Variants in PRKN observed in about 807,000 individuals in gnomAD.
The protein encoded by PRKN is E3 ubiquitin-protein ligase parkin.
In PRKN, 56 loss-of-function variants were observed where a neutral mutation model predicts 59.5. That is an observed-to-expected ratio of 0.94 (90% confidence interval 0.76 to 1.18). The LOEUF (loss-of-function observed/expected upper bound fraction) is 1.18, where lower values mean the gene tolerates loss of function less well. Among genes scored for constraint, PRKN ranks in the 50% most tolerant of loss-of-function variants. The pLI is 0.00. For missense variants in PRKN, 657 were observed against 596.4 expected, an observed-to-expected ratio of 1.10 and a Z score of -1.06; for synonymous variants, 250 against 222.1, an observed-to-expected ratio of 1.13 and a Z score of -1.12.
intron 1 of PRKN, among the ~76,000 whole-genome samples, chr6:162,565,847 C>G (rs1307005853): frequency 6.6e-6 from 1 of 151,904 alleles, no homozygotes; most frequent in Non-Finnish European, 1.5e-5. Context: ...ACACACTTCA[C>G]TATAAAGATC....
At chr6:162,096,668 T>A (rs1358007166) in intron 4 of PRKN, among the ~76,000 whole-genome samples, 2 of 152,054 alleles carry the variant, frequency 1.3e-5, no homozygotes, top group Non-Finnish European at 2.9e-5. Context: ...TTCGCTTGGT[T>A]CTCATTCTCT....
chr6:161,712,004 C>T (rs771589515), intron 7 of PRKN, among the ~76,000 whole-genome samples: 7 of 152,142 alleles, frequency 4.6e-5, no homozygotes, highest in East Asian at 1.9e-4. Flanking sequence ...GAAGGCCTAC[C>T]GTGGGACTTT....
Position 161,549,846 on chromosome 6 carries a change from G to A in PRKN, c.934-843C>T, listed in dbSNP as rs1583216485. Among the ~76,000 whole-genome samples the A allele has an allele frequency of 2.6e-5, 4 of 152,146 alleles. No individual in the cohort carries two copies. The highest frequency in any genetic ancestry group is 2.6e-4 in the Admixed American group (4 of 15,274). The stretch of plus-strand genomic sequence containing the variant: ...TTCCAGACTCTATCGAGGCGCTGGG[G>A]ATACAGCAGTGAATGAACAAACTTC... On this transcript the variant is annotated intron_variant, in intron 8 of 11. Transcript: ENST00000366898. This position sits in a 1 kb window ranked among gnomAD's most constrained non-coding sequence, Gnocchi z 6.0.
At chr6:162,071,131 G>T (rs1192608419) in intron 4 of PRKN, among the ~76,000 whole-genome samples, 1 of 151,732 alleles carries the variant, frequency 6.6e-6, no homozygotes, top group Non-Finnish European at 1.5e-5. Context: ...GCATTTCACT[G>T]GACGGTATTC....
At chr6:161,710,101 T>A (rs2128182017) in intron 7 of PRKN, among the ~76,000 whole-genome samples, 1 of 133,572 alleles carries the variant, frequency 7.5e-6, no homozygotes, top group Non-Finnish European at 1.6e-5. Context: ...ATGACAAGCA[T>A]TGGAATAATT....
chr6:162,461,244 G>GT (rs1032956770), intron 1 of PRKN, among the ~76,000 whole-genome samples: 27 of 151,910 alleles, frequency 1.8e-4, no homozygotes, highest in African/African-American at 3.9e-4. Flanking sequence ...GCTCACGCCT[G>GT]TAATCCCAGA....
intron 1 of PRKN, among the ~76,000 whole-genome samples, chr6:162,511,389 T>A (rs374781362): frequency 9.2e-5 from 14 of 152,110 alleles, no homozygotes; most frequent in African/African-American, 3.4e-4. Flanking sequence ...TTTTACCTGC[T>A]AGAAAAACTG....
At chr6:161,770,494 G>A (rs369825304) in intron 7 of PRKN, among the ~76,000 whole-genome samples, 45 of 151,530 alleles carry the variant, frequency 3.0e-4, no homozygotes, top group African/African-American at 1.0e-3. Flanking sequence ...ATGAGACAGA[G>A]TTTCATTCTG....
At chr6:162,348,687 A>C (rs1418863382) in intron 2 of PRKN, among the ~76,000 whole-genome samples, 19 of 152,256 alleles carry the variant, frequency 1.2e-4, no homozygotes. Flanking sequence ...TCTTTTTACA[A>C]CCCTTTAAAA....
In PRKN at chr6:161,912,104, G is replaced by A. The variant is rs572010175; in HGVS notation, c.734+61198C>T. On this transcript the variant is annotated intron_variant, in intron 6 of 11. Transcript: ENST00000366898. ...GAGGCAGGAGAATTGCTTGAACCCA[G>A]GAGGCAGCAGTTGCAGTGAGTGGAG... is the stretch of plus-strand genomic sequence containing the variant. 2.0e-5 allele frequency among the ~76,000 whole-genome samples: 3 copies of A among 151,670 alleles called. No homozygotes were observed. The East Asian group carries it at 5.9e-4, about 30-fold the overall frequency.
intron 9 of PRKN, among the ~76,000 whole-genome samples, chr6:161,416,365 G>A (rs1259469944): frequency 2.0e-5 from 3 of 152,056 alleles, no homozygotes; most frequent in Admixed American, 1.3e-4. Flanking sequence ...CGCACACACT[G>A]GGGGGCAGGA....
At chr6:161,595,843 CG>C (rs1781894834) in intron 7 of PRKN, among the ~76,000 whole-genome samples, 1 of 152,094 alleles carries the variant, frequency 6.6e-6, no homozygotes, top group Non-Finnish European at 1.5e-5. Context: ...TAATTTACGG[CG>C]GGAAAGTGAA....
chr6:161,443,840 G>A (rs187954488), intron 9 of PRKN, among the ~76,000 whole-genome samples: 21 of 152,232 alleles, frequency 1.4e-4, no homozygotes, highest in African/African-American at 4.6e-4. Flanking sequence ...AGTGGAGCAC[G>A]CTGAGCATTT....
At chr6:162,194,678 T>C (rs1021564064) in intron 4 of PRKN, among the ~76,000 whole-genome samples, 10 of 152,176 alleles carry the variant, frequency 6.6e-5, no homozygotes, top group Non-Finnish European at 1.3e-4. Flanking sequence ...TTAAGTTCTT[T>C]ATGGTAATCC....
intron 4 of PRKN, among the ~76,000 whole-genome samples, chr6:162,058,941 G>C (rs1454762613): frequency 3.7e-5 from 5 of 135,774 alleles, no homozygotes. Context: ...GACAGAGTGA[G>C]ACTCTGCCTC....
At chr6:162,657,804 A>G (rs1778704121) in intron 1 of PRKN, among the ~76,000 whole-genome samples, 1 of 152,124 alleles carries the variant, frequency 6.6e-6, no homozygotes, top group South Asian at 2.1e-4. Flanking sequence ...GTCAGAATAT[A>G]GTAGGGACAT....
At chr6:162,350,751 T>C (rs1185316423) in intron 2 of PRKN, among the ~76,000 whole-genome samples, 1 of 152,138 alleles carries the variant, frequency 6.6e-6, no homozygotes, top group East Asian at 1.9e-4. Flanking sequence ...CTTTATGACC[T>C]TGGGTTAAGA....
At chr6:161,673,665 G>C (rs1017874374) in intron 7 of PRKN, among the ~76,000 whole-genome samples, 3 of 152,150 alleles carry the variant, frequency 2.0e-5, no homozygotes, top group Admixed American at 1.3e-4. Flanking sequence ...GAAGTGGGGA[G>C]GTGGAAGATC....
chr6:162,231,820 A>T (rs1305142249), intron 3 of PRKN, among the ~76,000 whole-genome samples: 1 of 152,156 alleles, frequency 6.6e-6, no homozygotes, highest in Non-Finnish European at 1.5e-5. Flanking sequence ...CCAGAGAGAG[A>T]AAAATATATA....
Sources: allele counts gnomAD v4.1 joint callset (sites outside exome capture counted in the v4.1 genomes callset), GRCh38; gene constraint gnomAD v4.1.1; non-coding constraint Gnocchi (gnomAD v3.1); transcripts MANE v1.5; gene names NCBI Gene and HGNC (gene_info 2026-07-23, HGNC 2026-07-21).